Variants in GRIN2A observed in about 807,000 individuals in gnomAD.
GRIN2A encodes glutamate receptor ionotropic, NMDA 2A.
In GRIN2A, 22 loss-of-function variants were observed where a neutral mutation model predicts 113.4. The observed-to-expected ratio is 0.19, with a 90% CI of 0.14 to 0.28. GRIN2A has a LOEUF of 0.28. GRIN2A is among the 10% of genes least tolerant of loss of function. The pLI is 1.00. For synonymous variants in GRIN2A, 827 were observed against 738.4 expected, an observed-to-expected ratio of 1.12 and a Z score of -1.94; for missense variants, 1,502 against 1,887.0, an observed-to-expected ratio of 0.80 and a Z score of 3.78.
At chr16:9,934,002 C>T (rs13331251) in intron 3 of GRIN2A, among the ~76,000 whole-genome samples, 1,900 of 152,262 alleles carry the variant, frequency 0.012, 41 homozygotes, top group African/African-American at 0.043. Context: ...GTAAACCAAA[C>T]TGATTATCAT....
chr16:9,956,205 C>T (rs1294341381), intron 2 of GRIN2A, among the ~76,000 whole-genome samples: 1 of 152,186 alleles, frequency 6.6e-6, no homozygotes, highest in African/African-American at 2.4e-5. Context: ...ATCCACTGTC[C>T]TGTGGGCTTT....
At chr16:9,951,599 A>T (rs747333333) in intron 2 of GRIN2A, among the ~76,000 whole-genome samples, 3 of 152,226 alleles carry the variant, frequency 2.0e-5, no homozygotes, top group Non-Finnish European at 4.4e-5. Context: ...TCACCATTAC[A>T]ATTAAACTCT....
intron 11 of GRIN2A, among the ~76,000 whole-genome samples, chr16:9,775,953 G>T (rs1901573938): frequency 6.6e-6 from 1 of 152,168 alleles, no homozygotes; most frequent in South Asian, 2.1e-4. Flanking sequence ...CTCTATCCTG[G>T]TGACACAGTC....
chr16:10,040,017 A>T (rs370401483), intron 2 of GRIN2A, among the ~76,000 whole-genome samples: 31 of 496 alleles, frequency 0.062, no homozygotes, highest in East Asian at 0.12. Flanking sequence ...ACATCCACAC[A>T]CCACACACAA....
chr16:9,979,089 C>T (rs2045833559), intron 2 of GRIN2A, among the ~76,000 whole-genome samples: 1 of 152,146 alleles, frequency 6.6e-6, no homozygotes. Context: ...ACTGACCCCT[C>T]TGGTTGTGAG....
At chr16:10,080,918 A>C (rs934365690) in intron 2 of GRIN2A, among the ~76,000 whole-genome samples, 1 of 152,082 alleles carries the variant, frequency 6.6e-6, no homozygotes, top group East Asian at 1.9e-4. Flanking sequence ...TCCCGTCTCA[A>C]ATGTTCTGCC....
intron 2 of GRIN2A, among the ~76,000 whole-genome samples, chr16:10,061,186 G>C (rs2047545266): frequency 6.6e-6 from 1 of 152,084 alleles, no homozygotes; most frequent in African/African-American, 2.4e-5. Flanking sequence ...GATGCCTGGA[G>C]CTCCAGCAGC....
rs534719488 is a variant in GRIN2A at position 9,772,180 on chromosome 16, A to G, written c.2357-3091T>C. Among the ~76,000 whole-genome samples, 19 of 152,198 alleles carry G rather than the reference A, an allele frequency of 1.2e-4. No individual in the cohort carries two copies. The South Asian group carries it at 3.9e-3, about 32-fold the overall frequency. ...TTCCAACAGCCTCCCATGCTTTCGC[A>G]CAGTCACAAAGTCATGGGAGACTTT... On this transcript the variant is annotated intron_variant, in intron 11 of 12. Coordinates refer to ENST00000330684, the MANE Select transcript of GRIN2A (RefSeq NM_001134407.3).
At chr16:10,171,243 C>T (rs2142358161) in intron 2 of GRIN2A, among the ~76,000 whole-genome samples, 1 of 152,342 alleles carries the variant, frequency 6.6e-6, no homozygotes. Flanking sequence ...CAAATTACTG[C>T]AACTCCCAGA....
At chr16:9,940,965 G>A (rs2141642411) in intron 2 of GRIN2A, among the ~76,000 whole-genome samples, 1 of 152,296 alleles carries the variant, frequency 6.6e-6, no homozygotes, top group South Asian at 2.1e-4. Flanking sequence ...CACACTGTGA[G>A]ACGCCTCTTG....
rs1178789847 is a variant in GRIN2A, at chr16:10,092,114, C to T, written c.414+87884G>A. On this transcript the variant is annotated intron_variant, in intron 2 of 12. Coordinates refer to ENST00000330684, the MANE Select transcript of GRIN2A (RefSeq NM_001134407.3). ...TGCCTTGATATACCTCCAGTCTAGTCCTTTCAACAAAGAATAGAAGAGTTT... is the reference window on the plus strand; with the variant it reads ...TGCCTTGATATACCTCCAGTCTAGTTCTTTCAACAAAGAATAGAAGAGTTT... Among the ~76,000 whole-genome samples, 3 of 152,150 alleles carry T rather than the reference C, an allele frequency of 2.0e-5. No individual in the cohort carries two copies. In the East Asian group the frequency reaches 5.8e-4, roughly 29 times the overall value.
chr16:9,818,812 A>G (rs769332161), intron 10 of GRIN2A, among the ~76,000 whole-genome samples: 24 of 152,204 alleles, frequency 1.6e-4, no homozygotes, highest in Non-Finnish European at 2.9e-4. Flanking sequence ...GTAAGTATGA[A>G]TTTCCTTTGG....
chr16:9,904,105 C>T (rs2043985121), intron 3 of GRIN2A, among the ~76,000 whole-genome samples: 1 of 152,232 alleles, frequency 6.6e-6, no homozygotes. Flanking sequence ...TTATTCCAGA[C>T]TCAGCTCACT....
At chr16:9,791,131 T>C (rs1902581393) in intron 11 of GRIN2A, among the ~76,000 whole-genome samples, 1 of 152,228 alleles carries the variant, frequency 6.6e-6, no homozygotes, top group Non-Finnish European at 1.5e-5. Context: ...ACCTTCATCT[T>C]ACTTATTTCA....
chr16:9,972,153 G>C (rs1035944611), intron 2 of GRIN2A, among the ~76,000 whole-genome samples: 1 of 152,196 alleles, frequency 6.6e-6, no homozygotes, highest in African/African-American at 2.4e-5. Context: ...AGGGTGAGTA[G>C]ACAAGGCTCA....
At position 9,876,438 on chromosome 16, in the gene GRIN2A, C is replaced by T. The variant is rs760884137; in HGVS notation, c.1122+14548G>A. Among the ~76,000 whole-genome samples, 110 of 152,162 alleles carry T rather than the reference C, an allele frequency of 7.2e-4. 2 individuals are homozygous for T. The highest frequency in any genetic ancestry group is 2.4e-4 in the Non-Finnish European group (16 of 68,020). The stretch of plus-strand genomic sequence containing the variant: ...CACCACCTGCTTCTTTGTTTGATCA[C>T]CAATAAATAGTGTGGGCTTCCGGAG... On this transcript the variant is annotated intron_variant, in intron 4 of 12. Coordinates refer to ENST00000330684, the MANE Select transcript of GRIN2A (RefSeq NM_001134407.3).
chr16:10,168,819 G>T (rs2049977141), intron 2 of GRIN2A, among the ~76,000 whole-genome samples: 1 of 151,976 alleles, frequency 6.6e-6, no homozygotes, highest in Admixed American at 6.6e-5. Flanking sequence ...TACAAAGTTA[G>T]CTGATGGTGG....
intron 12 of GRIN2A, among the ~76,000 whole-genome samples, chr16:9,768,365 A>T (rs1290704571): frequency 1.3e-5 from 2 of 152,200 alleles, no homozygotes; most frequent in Non-Finnish European, 2.9e-5. Context: ...AAATTTTTAC[A>T]TGGAATTAGT....
chr16:9,993,228 G>C (rs1419887832), intron 2 of GRIN2A, among the ~76,000 whole-genome samples: 1 of 151,712 alleles, frequency 6.6e-6, no homozygotes, highest in Admixed American at 6.6e-5. Context: ...GCAAGACTCT[G>C]TCTCAAAAAT....
Sources: allele counts gnomAD v4.1 joint callset (sites outside exome capture counted in the v4.1 genomes callset), GRCh38; gene constraint gnomAD v4.1.1; transcripts MANE v1.5; gene names NCBI Gene and HGNC (gene_info 2026-07-23, HGNC 2026-07-21).